The following ASTN2 variants were observed in gnomAD, a reference collection of about 807,000 sequenced individuals.
ASTN2 encodes astrotactin 2.
ASTN2 carries 54 observed loss-of-function variants against 139.8 expected under a neutral mutation model. The ratio of observed to expected loss-of-function variants is 0.39; its 90% CI spans 0.31 to 0.48. ASTN2 has a LOEUF of 0.48. Among genes scored for constraint, ASTN2 ranks in the 20% least tolerant of loss-of-function variants. The pLI is 0.95. For missense variants in ASTN2, 1,565 were observed against 1,725.1 expected, an observed-to-expected ratio of 0.91 and a Z score of 1.64; for synonymous variants, 756 against 719.5, an observed-to-expected ratio of 1.05 and a Z score of -0.81.
At chr9:117,224,187 C>T (rs1369498328) in intron 2 of ASTN2, among the ~76,000 whole-genome samples, 1 of 152,222 alleles carries the variant, frequency 6.6e-6, no homozygotes, top group East Asian at 1.9e-4. Context: ...TTTGTTAGTA[C>T]AGTCATGACT....
At chr9:116,838,116 G>GTTTTC (rs370249958) in intron 11 of ASTN2, among the ~76,000 whole-genome samples, 1 of 126,516 alleles carries the variant, frequency 7.9e-6, no homozygotes, top group South Asian at 2.7e-4. Context: ...TTTTTGTTTT[G>GTTTTC]TTTTGTTTTT....
chr9:116,436,874 C>T (rs1184231911), intron 22 of ASTN2, among the ~76,000 whole-genome samples: 2 of 151,722 alleles, frequency 1.3e-5, no homozygotes, highest in Non-Finnish European at 2.9e-5. Flanking sequence ...GAATACTATG[C>T]AGCCATAAAA....
chr9:116,725,484 G>A (rs1208722275), intron 16 of ASTN2, among the ~76,000 whole-genome samples: 1 of 152,000 alleles, frequency 6.6e-6, no homozygotes, highest in African/African-American at 2.4e-5. Flanking sequence ...AGAGGATGTG[G>A]GAAGCAAAGT....
At chr9:117,380,475 T>A (rs903348880) in intron 1 of ASTN2, among the ~76,000 whole-genome samples, 4 of 151,398 alleles carry the variant, frequency 2.6e-5, no homozygotes, top group African/African-American at 9.7e-5. Flanking sequence ...GGTGGTGTTG[T>A]GCGCCTGCAG....
At chr9:117,321,439 C>A (rs574883510) in intron 1 of ASTN2, among the ~76,000 whole-genome samples, 1 of 152,290 alleles carries the variant, frequency 6.6e-6, no homozygotes, top group South Asian at 2.1e-4. Flanking sequence ...CTATCCAAAG[C>A]TGTGTGCCCC....
At chr9:117,260,703 T>A (rs1176705986) in intron 2 of ASTN2, among the ~76,000 whole-genome samples, 4 of 152,148 alleles carry the variant, frequency 2.6e-5, no homozygotes, top group Non-Finnish European at 5.9e-5. Flanking sequence ...TCACATCTCC[T>A]TACTATTAAC....
rs1554752212 is a variant in ASTN2 at position 116,832,940 on chromosome 9, T to TTTTTTTTATTTATTTATTTA, written c.2041-12158_2041-12157insTAAATAAATAAATAAAAAAA. 1.8e-3 allele frequency among the ~76,000 whole-genome samples: 273 copies of TTTTTTTTATTTATTTATTTA among 149,918 alleles called. 14 individuals are homozygous for TTTTTTTTATTTATTTATTTA. The highest frequency in any genetic ancestry group is 1.5e-3 in the Non-Finnish European group (99 of 67,598). On this transcript the variant is annotated intron_variant, in intron 11 of 22. Transcript: ENST00000313400. The stretch of plus-strand genomic sequence containing the variant: ...TTTCTGGAAGATTTTTTTTGTTTTG[T>TTTTTTTTATTTATTTATTTA]TTTATTTATTTATTTATTTATTTTT...
chr9:116,472,422 C>T (rs989402211), intron 20 of ASTN2, among the ~76,000 whole-genome samples: 8 of 152,142 alleles, frequency 5.3e-5, no homozygotes, highest in Non-Finnish European at 1.2e-4. Flanking sequence ...AACTCGCATG[C>T]CTTTATTATG....
chr9:116,594,921 T>C (rs1854505227), intron 19 of ASTN2, among the ~76,000 whole-genome samples: 6 of 152,188 alleles, frequency 3.9e-5, no homozygotes. Context: ...TCTCCTCTCC[T>C]TTTATTAAAA....
chr9:116,519,230 T>C (rs1850770884), intron 19 of ASTN2, among the ~76,000 whole-genome samples: 2 of 152,054 alleles, frequency 1.3e-5, no homozygotes, highest in Non-Finnish European at 2.9e-5. Context: ...ACATGCAATA[T>C]TCTCCAAGAT....
At chr9:116,443,414 A>G (rs1257254273) in intron 20 of ASTN2, among the ~76,000 whole-genome samples, 1 of 152,152 alleles carries the variant, frequency 6.6e-6, no homozygotes, top group Non-Finnish European at 1.5e-5. Context: ...ATCTGGCTAT[A>G]AGGCATATCC....
intron 4 of ASTN2, among the ~76,000 whole-genome samples, chr9:117,140,543 A>G: frequency 6.6e-6 from 1 of 151,658 alleles, no homozygotes; most frequent in East Asian, 1.9e-4. Context: ...GAAAGAAGGG[A>G]TGAAGAGAAG....
intron 10 of ASTN2, 79 bp from the exon 11 acceptor site, chr9:116,863,812 C>A (rs1309245104): frequency 4.4e-6 from 6 of 1,366,560 alleles, no homozygotes; most frequent in Non-Finnish European, 5.9e-6. Flanking sequence ...GAATTCATTA[C>A]ATTTGAAACC....
At chr9:116,756,906 G>T (rs1251405324) in intron 13 of ASTN2, among the ~76,000 whole-genome samples, 1 of 152,128 alleles carries the variant, frequency 6.6e-6, no homozygotes, top group Non-Finnish European at 1.5e-5. Flanking sequence ...AGGTCACAGA[G>T]CCAATAAGTG....
intron 2 of ASTN2, among the ~76,000 whole-genome samples, chr9:117,243,925 A>G (rs1474869311): frequency 6.6e-6 from 1 of 152,074 alleles, no homozygotes; most frequent in Non-Finnish European, 1.5e-5. Flanking sequence ...CCACCAAATC[A>G]TATCTTGAAT....
chr9:117,180,627 CTT>C (rs372662181), intron 3 of ASTN2: 22,187 of 902,030 alleles, frequency 0.025, no homozygotes, highest in Non-Finnish European at 0.026. Context: ...TCTGGAGTAT[CTT>C]TTTTTTTTTT....
intron 10 of ASTN2, among the ~76,000 whole-genome samples, chr9:116,876,169 G>T (rs991061576): frequency 1.4e-4 from 22 of 152,152 alleles, no homozygotes; most frequent in African/African-American, 5.3e-4. Context: ...CACGAGTTTG[G>T]AAGAAGTTGA....
chr9:116,469,344 T>C (rs1433488222), intron 20 of ASTN2, among the ~76,000 whole-genome samples: 1 of 151,928 alleles, frequency 6.6e-6, no homozygotes, highest in East Asian at 1.9e-4. Flanking sequence ...TATGACGTCA[T>C]AGAACCAGTT....
At position 116,979,643 on chromosome 9, in the gene ASTN2, C is replaced by G. The variant is rs568186701; in HGVS notation, c.1592-2858G>C. Among the ~76,000 whole-genome samples, 21 of 152,214 alleles carry G rather than the reference C, an allele frequency of 1.4e-4. 1 individual carries two copies. Among genetic ancestry groups the G allele is most frequent in the Admixed American group, 1.2e-3 (19 of 15,284 alleles). Reference sequence around the variant, plus strand: ...GGATTTGTCCTCCAGACTCCCAGGACTGATTTATGATCTGCTACAAGCCAC... The same window carrying G: ...GGATTTGTCCTCCAGACTCCCAGGAGTGATTTATGATCTGCTACAAGCCAC... On this transcript the variant is annotated intron_variant, in intron 7 of 22. Coordinates refer to ENST00000313400, the MANE Select transcript of ASTN2 (RefSeq NM_001365068.1).
Sources: gnomAD v4.1 joint callset for allele counts (sites outside exome capture counted in the v4.1 genomes callset) on GRCh38, gnomAD v4.1.1 for gene constraint, MANE v1.5 for transcripts, NCBI Gene and HGNC (gene_info 2026-07-23, HGNC 2026-07-21) for gene names.